EXTL1: variants seen among roughly 807,000 people sequenced by gnomAD.
EXTL1 encodes exostosin-like 1.
In EXTL1, 43 loss-of-function variants were observed where a neutral mutation model predicts 64.6. The observed-to-expected ratio is 0.67, with a 90% CI of 0.52 to 0.86. The LOEUF is 0.86. Among genes scored for constraint, EXTL1 ranks in the 40% least tolerant of loss-of-function variants. The probability of loss-of-function intolerance (pLI) is 0.00; values close to 1 mark genes in which losing one functional copy is unlikely to be tolerated. For synonymous variants in EXTL1, 352 were observed against 360.5 expected (o/e 0.98, Z 0.27); for missense variants, 766 against 879.0 (o/e 0.87, Z 1.62).
intron 6 of EXTL1, 131 bp from the exon 7 acceptor site, chr1:26,032,265 C>A: frequency 1.6e-6 from 1 of 639,664 alleles, no homozygotes; most frequent in Admixed American, 2.5e-5. Flanking sequence ...TCCAACTAAC[C>A]CTTCTCCCAT....
rs1569647271 is a variant in EXTL1, at chr1:26,023,797, G to A, written c.779+372G>A. Among the ~76,000 whole-genome samples, 7 of 152,286 alleles carry A rather than the reference G, an allele frequency of 4.6e-5. No homozygotes were observed. In the South Asian group the frequency reaches 1.5e-3, roughly 32 times the overall value. ...TTATAATAAAATATGCTAGTTGTTAGCATTTAAGTGTTTGTGTACCAGGCA... is the reference window on the plus strand; with the variant it reads ...TTATAATAAAATATGCTAGTTGTTAACATTTAAGTGTTTGTGTACCAGGCA... On this transcript the variant is annotated intron_variant, in intron 1 of 10. Coordinates refer to ENST00000374280, the MANE Select transcript of EXTL1 (RefSeq NM_004455.3).
At chr1:26,030,685 G>GA in intron 4 of EXTL1, 90 bp downstream of exon 4, 1 of 1,388,106 alleles carries the variant, frequency 7.2e-7, no homozygotes, top group Non-Finnish European at 9.7e-7. Context: ...AGTGTTTGGG[G>GA]AACCCCCCCC....
At chr1:26,026,949 T>A (rs1239645474) in intron 1 of EXTL1, among the ~76,000 whole-genome samples, 2 of 152,218 alleles carry the variant, frequency 1.3e-5, no homozygotes, top group Non-Finnish European at 2.9e-5. Context: ...CCTTTACTGA[T>A]GGGGAACTCA....
chr1:26,023,308 A>G lies in EXTL1; in HGVS notation c.662A>G (p.Gln221Arg), dbSNP rs1409125525. Reference sequence around the variant, plus strand: ...GGCCAGCTGCGGCAACACAGCCCCCAGCCCGGGGTAGCCCTGCTAGCCCTG... The same window carrying G: ...GGCCAGCTGCGGCAACACAGCCCCCGGCCCGGGGTAGCCCTGCTAGCCCTG... ...APGQLRQHSP[Q>R]PGVALLALEE... The change falls in exon 1 of 11, where the codon CAG becomes CGG. Residue 221 changes from glutamine to arginine, a missense_variant. By Grantham distance (43) the Gln-to-Arg change is conservative. Coordinates refer to ENST00000374280, the MANE Select transcript of EXTL1 (RefSeq NM_004455.3). 1 of 1,550,598 alleles carries G rather than the reference A, an allele frequency of 6.4e-7. No individual in the cohort carries two copies. Among genetic ancestry groups the G allele is most frequent in the South Asian group, 1.2e-5 (1 of 81,520 alleles).
At position 26,035,537 on chromosome 1, in the gene EXTL1, C is replaced by A. The variant is rs1569681186; in HGVS notation, c.*190C>A. On this transcript the variant is annotated 3_prime_UTR_variant, in exon 11 of 11. Transcript: ENST00000374280. The surrounding 1 kb of genome is among the most constrained non-coding windows in gnomAD (Gnocchi z 5.3). ...TTACCTTCTCCTGCTCGCCCTCAGC[C>A]GCGGAGCCTCTGCGGAGGCTGAGCC... 1.1e-5 allele frequency: 5 copies of A among 472,512 alleles called. No homozygotes were observed. The highest frequency in any genetic ancestry group is 1.5e-5 in the Non-Finnish European group (4 of 268,382). The allele number at this position is 472,512 out of a possible 1,614,324, so 29.3% of individuals were successfully genotyped here. A position where few individuals can be genotyped will look rare whatever the true frequency, so the allele number is the denominator to read the frequency against.
chr1:26,026,730 T>C (rs2050220818), intron 1 of EXTL1, among the ~76,000 whole-genome samples: 1 of 152,198 alleles, frequency 6.6e-6, no homozygotes, highest in African/African-American at 2.4e-5. Flanking sequence ...CAGCCCTACC[T>C]ATGGCCAGGC....
chr1:26,033,361 C>T lies in EXTL1; in HGVS notation c.1518+46C>T. The T allele has an allele frequency of 6.6e-7, 1 of 1,518,954 alleles. No homozygotes were observed. 94.1% of individuals were successfully genotyped at this position (1,518,954 alleles called of 1,614,324 possible). On this transcript the variant is annotated intron_variant, in intron 8 of 10. Transcript: ENST00000374280. The surrounding 1 kb of genome is among the most constrained non-coding windows in gnomAD (Gnocchi z 5.1). ...AAGCCCAGTGTGGGTAGACACAGAGCCAGAGGGCCCTGGCAGCCCCTCAGG... is the reference window on the plus strand; with the variant it reads ...AAGCCCAGTGTGGGTAGACACAGAGTCAGAGGGCCCTGGCAGCCCCTCAGG...
At position 26,035,364 on chromosome 1, in the gene EXTL1, GA is replaced by G. The variant is rs758986468; in HGVS notation, c.*18del. Reference sequence around the variant, plus strand: ...AAGCCCTAGGGGGGCGACCCGCGGAGACCCCAGCAGAGGTCGCAGCCCAGCT... The same window carrying G: ...AAGCCCTAGGGGGGCGACCCGCGGAGCCCCAGCAGAGGTCGCAGCCCAGCT... On this transcript the variant is annotated 3_prime_UTR_variant, in exon 11 of 11. Coordinates refer to ENST00000374280, the MANE Select transcript of EXTL1 (RefSeq NM_004455.3). This position sits in a 1 kb window ranked among gnomAD's most constrained non-coding sequence, Gnocchi z 5.3. 39 of 1,580,558 alleles carry G rather than the reference GA, an allele frequency of 2.5e-5. 1 individual carries two copies. The South Asian group carries it at 3.8e-4, about 15-fold the overall frequency.
Position 26,022,578 on chromosome 1 carries a change from C to CAG in EXTL1, c.-68_-67dup, listed in dbSNP as rs1186401244. The CAG allele has an allele frequency of 2.1e-5, 29 of 1,370,308 alleles. No individual in the cohort carries two copies. Among genetic ancestry groups the CAG allele is most frequent in the Non-Finnish European group, 2.9e-5 (29 of 996,638 alleles). 84.9% of individuals were successfully genotyped at this position (1,370,308 alleles called of 1,614,324 possible). A position where few individuals can be genotyped will look rare whatever the true frequency, so the allele number is the denominator to read the frequency against. On this transcript the variant is annotated 5_prime_UTR_variant, in exon 1 of 11. Coordinates refer to ENST00000374280, the MANE Select transcript of EXTL1 (RefSeq NM_004455.3). The stretch of plus-strand genomic sequence containing the variant: ...CGGTCCCAGCTCTGGTCTCCCGCCC[C>CAG]AGGCCCTGCTCTTCCTGCTTGCTGG...
chr1:26,030,338 T>G (rs994681668), intron 3 of EXTL1, 138 bp from the exon 4 acceptor site: 36 of 629,698 alleles, frequency 5.7e-5, no homozygotes, highest in Non-Finnish European at 7.5e-5. Flanking sequence ...TTCTTTTTTT[T>G]TTTTTTTTTT....
Position 26,025,945 on chromosome 1 carries a change from C to T in EXTL1, c.779+2520C>T, listed in dbSNP as rs976291170. On this transcript the variant is annotated intron_variant, in intron 1 of 10. Transcript: ENST00000374280. The surrounding 1 kb of genome is among the most constrained non-coding windows in gnomAD (Gnocchi z 5.3). ...AGGGCCCATGATACTTTTATAGGCT[C>T]ATGAAAATATTTTCATTTTTTGAAA... 2.6e-5 allele frequency among the ~76,000 whole-genome samples: 4 copies of T among 152,152 alleles called. No homozygotes were observed. The highest frequency in any genetic ancestry group is 9.7e-5 in the African/African-American group (4 of 41,438).
chr1:26,023,456 TG>T, intron 1 of EXTL1, 31 bp downstream of exon 1: 1 of 1,422,700 alleles, frequency 7.0e-7, no homozygotes, highest in Non-Finnish European at 9.2e-7. Context: ...GGGGGCTGGA[TG>T]GGAGGGGGCT....
intron 4 of EXTL1, 102 bp downstream of exon 4, chr1:26,030,697 C>A: frequency 1.5e-6 from 2 of 1,325,948 alleles, no homozygotes; most frequent in East Asian, 2.4e-5. Context: ...ACCCCCCCCC[C>A]TTCCTTGAAG....
Position 26,030,485 on chromosome 1 carries a change from GC to G in EXTL1, c.994del (p.Leu332SerfsTer91). On this transcript the variant is annotated frameshift_variant, in exon 4 of 11. Transcript: ENST00000374280. LOFTEE classifies it high-confidence loss of function. ...DERLPLQVLA[A>X]LQEMSPARVL... Reference sequence around the variant, plus strand: ...TCCCTCTCTGCTCCAGGTCCTGGCTGCCCTCCAGGAGATGTCCCCTGCACGG... The same window carrying G: ...TCCCTCTCTGCTCCAGGTCCTGGCTGCCTCCAGGAGATGTCCCCTGCACGG... 1 of 1,610,446 alleles carries G rather than the reference GC, an allele frequency of 6.2e-7. No individual in the cohort carries two copies. The highest frequency in any genetic ancestry group is 1.1e-5 in the South Asian group (1 of 90,928).
Position 26,029,423 on chromosome 1 carries a change from T to G in EXTL1, c.873+137T>G. 3 of 774,676 alleles carry G rather than the reference T, an allele frequency of 3.9e-6. No homozygotes were observed. The South Asian group carries it at 4.7e-5, about 12-fold the overall frequency. The allele number at this position is 774,676 out of a possible 1,614,324, so 48.0% of individuals were successfully genotyped here. A position where few individuals can be genotyped will look rare whatever the true frequency, so the allele number is the denominator to read the frequency against. Reference sequence around the variant, plus strand: ...ACTCCTGGACTCAGGCATGCCTGTGTCCCCATTCACTGCACCCTCTGCAGA... The same window carrying G: ...ACTCCTGGACTCAGGCATGCCTGTGGCCCCATTCACTGCACCCTCTGCAGA... On this transcript the variant is annotated intron_variant, in intron 2 of 10. Coordinates refer to ENST00000374280, the MANE Select transcript of EXTL1 (RefSeq NM_004455.3).
rs3008213 is a variant in EXTL1, at chr1:26,033,925, G to A, written c.1679+69G>A. The A allele has an allele frequency of 0.017, 24,277 of 1,434,502 alleles. 1,707 individuals are homozygous for A. In the African/African-American group the frequency reaches 0.19, roughly 11 times the overall value. The allele number at this position is 1,434,502 out of a possible 1,614,324, so 88.9% of individuals were successfully genotyped here. A position where few individuals can be genotyped will look rare whatever the true frequency, so the allele number is the denominator to read the frequency against. On this transcript the variant is annotated intron_variant, in intron 9 of 10. Coordinates refer to ENST00000374280, the MANE Select transcript of EXTL1 (RefSeq NM_004455.3). This position sits in a 1 kb window ranked among gnomAD's most constrained non-coding sequence, Gnocchi z 5.1. Reference sequence around the variant, plus strand: ...CAGAGACCCCACCCCCACCCCGAACGGAGCAGAGTGGCCTAGACCCCAGGG... The same window carrying A: ...CAGAGACCCCACCCCCACCCCGAACAGAGCAGAGTGGCCTAGACCCCAGGG...
Position 26,032,497 on chromosome 1 carries a change from G to A in EXTL1, c.1431+12G>A, listed in dbSNP as rs2050298639. 1.3e-6 allele frequency: 2 copies of A among 1,547,098 alleles called. No homozygotes were observed. The highest frequency in any genetic ancestry group is 1.7e-6 in the Non-Finnish European group (2 of 1,143,586). On this transcript the variant is annotated intron_variant, in intron 7 of 10. Coordinates refer to ENST00000374280, the MANE Select transcript of EXTL1 (RefSeq NM_004455.3). The stretch of plus-strand genomic sequence containing the variant: ...ATGGGCACAGGAAGGTAAGGGATGA[G>A]GAGAGCCATGAAAGGGGTGGGCCCA...
At chr1:26,027,658 C>T (rs141344967) in intron 1 of EXTL1, among the ~76,000 whole-genome samples, 5,606 of 137,250 alleles carry the variant, frequency 0.041, 406 homozygotes, top group African/African-American at 0.15. Context: ...GAGTTTGAGA[C>T]AGCCTGGGCA....
In EXTL1 at chr1:26,031,473, G is replaced by T. The variant is rs1173537171; in HGVS notation, c.1248G>T (p.Glu416Asp). 5 of 1,583,104 alleles carry T rather than the reference G, an allele frequency of 3.2e-6. No homozygotes were observed. Among genetic ancestry groups the T allele is most frequent in the Non-Finnish European group, 4.3e-6 (5 of 1,163,632 alleles). The change falls in exon 6 of 11, where the codon GAG becomes GAT. Residue 416 changes from glutamate to aspartate, a missense_variant. Physicochemically the swap from Glu to Asp is conservative, Grantham distance 45 (BLOSUM62 2). Transcript: ENST00000374280. ...FYYLQQGSRP[E>D]GRFSALIWVG... ...TCATTCCCCCAGGCTCCCGCCCTGA[G>T]GGCAGATTCAGCGCCCTGATCTGGG...
Sources: allele counts gnomAD v4.1 joint callset (sites outside exome capture counted in the v4.1 genomes callset), GRCh38; gene constraint gnomAD v4.1.1; non-coding constraint Gnocchi (gnomAD v3.1); transcripts MANE v1.5; gene names NCBI Gene and HGNC (gene_info 2026-07-23, HGNC 2026-07-21).